Variants in SMARCA2 observed in about 807,000 individuals in gnomAD.
The protein encoded by SMARCA2 is SWI/SNF-related matrix-associated actin-dependent regulator of chromatin subfamily A member 2.
Under a neutral mutation model 199.8 loss-of-function variants are expected in SMARCA2, and 61 were observed. The ratio of observed to expected loss-of-function variants is 0.31; its 90% CI spans 0.25 to 0.38. The LOEUF is 0.38. SMARCA2 is among the 10% of genes least tolerant of loss of function. The pLI is 1.00. For synonymous variants in SMARCA2, 935 were observed against 732.0 expected, an observed-to-expected ratio of 1.28 and a Z score of -4.48; for missense variants, 1,344 against 2,012.2, an observed-to-expected ratio of 0.67 and a Z score of 6.35.
intron 27 of SMARCA2, among the ~76,000 whole-genome samples, chr9:2,156,382 T>C (rs369442307): frequency 6.6e-6 from 1 of 150,548 alleles, no homozygotes; most frequent in Middle Eastern, 3.4e-3. Context: ...TTTTTTCTTA[T>C]GGGAAAATAC....
intron 27 of SMARCA2, among the ~76,000 whole-genome samples, chr9:2,145,058 G>A (rs1358499671): frequency 2.6e-5 from 4 of 152,180 alleles, no homozygotes; most frequent in African/African-American, 4.8e-5. Context: ...CCAGCATTTT[G>A]GGAGGCCTAG....
intron 27 of SMARCA2, chr9:2,157,754 A>C: frequency 5.1e-6 from 2 of 392,868 alleles, no homozygotes; most frequent in East Asian, 3.6e-5. Flanking sequence ...CTGTTTACCT[A>C]TTCATAATCA....
intron 29 of SMARCA2, among the ~76,000 whole-genome samples, chr9:2,176,293 C>T (rs1366797445): frequency 2.7e-5 from 4 of 148,984 alleles, no homozygotes; most frequent in Non-Finnish European, 3.0e-5. Flanking sequence ...AACTGTTAAA[C>T]GTTTTGGCTG....
intron 33 of SMARCA2, chr9:2,192,499 T>G: frequency 1.7e-6 from 1 of 605,746 alleles, no homozygotes. Flanking sequence ...GGGCTTTGCT[T>G]TGGGGTTTTT....
chr9:2,102,618 C>T (rs907186122), intron 22 of SMARCA2, among the ~76,000 whole-genome samples: 2 of 152,128 alleles, frequency 1.3e-5, no homozygotes, highest in Non-Finnish European at 2.9e-5. Flanking sequence ...AATGGGTGAA[C>T]TGTAGAGGGA....
At chr9:2,120,098 A>G (rs1334915223) in intron 26 of SMARCA2, among the ~76,000 whole-genome samples, 5 of 152,246 alleles carry the variant, frequency 3.3e-5, no homozygotes, top group African/African-American at 1.2e-4. Context: ...GCTTAAATGA[A>G]TGGGAACCTT....
Position 2,079,673 on chromosome 9 carries a change from A to G in SMARCA2, c.2184+1897A>G, listed in dbSNP as rs536035179. On this transcript the variant is annotated intron_variant, in intron 14 of 33. Coordinates refer to ENST00000349721, the MANE Select transcript of SMARCA2 (RefSeq NM_003070.5). Reference sequence around the variant, plus strand: ...CCACTGCTCTGGCCTTAGTAAGATCATGTTTTCTCCAAAGACCATGTCATA... The same window carrying G: ...CCACTGCTCTGGCCTTAGTAAGATCGTGTTTTCTCCAAAGACCATGTCATA... Among the ~76,000 whole-genome samples the G allele has an allele frequency of 1.2e-4, 18 of 152,314 alleles. No individual in the cohort carries two copies. The South Asian group carries it at 2.9e-3, about 25-fold the overall frequency.
intron 21 of SMARCA2, 38 bp from the exon 22 acceptor site, chr9:2,101,532 T>C: frequency 1.7e-6 from 2 of 1,157,830 alleles, no homozygotes; most frequent in Non-Finnish European, 2.5e-6. Context: ...AATAATTACA[T>C]TTTTTAAAAT....
intron 3 of SMARCA2, among the ~76,000 whole-genome samples, chr9:2,038,532 C>G (rs1411905402): frequency 6.6e-6 from 1 of 152,150 alleles, no homozygotes; most frequent in Non-Finnish European, 1.5e-5. Context: ...CTGCTGATTG[C>G]AGGAGTATAA....
At chr9:2,175,877 T>G (rs191018378) in intron 29 of SMARCA2, among the ~76,000 whole-genome samples, 80 of 152,046 alleles carry the variant, frequency 5.3e-4, no homozygotes, top group African/African-American at 1.8e-3. Flanking sequence ...GGGTTTTTTT[T>G]GTTTGTTTGT....
At chr9:2,062,593 A>T (rs138974216) in intron 9 of SMARCA2, among the ~76,000 whole-genome samples, 30 of 152,248 alleles carry the variant, frequency 2.0e-4, no homozygotes, top group African/African-American at 4.8e-4. Context: ...TCATGGTGTT[A>T]TTCTGCATGA....
At chr9:2,025,299 G>A (rs1454112178) in intron 1 of SMARCA2, among the ~76,000 whole-genome samples, 2 of 152,034 alleles carry the variant, frequency 1.3e-5, no homozygotes. Flanking sequence ...GGGGAGGGTG[G>A]GGACCAGCAA....
intron 27 of SMARCA2, among the ~76,000 whole-genome samples, chr9:2,154,249 C>T (rs998712865): frequency 2.0e-5 from 3 of 152,110 alleles, no homozygotes; most frequent in African/African-American, 4.8e-5. Flanking sequence ...AACGTGTTAG[C>T]CAATGTTGCT....
intron 17 of SMARCA2, among the ~76,000 whole-genome samples, chr9:2,085,430 G>A (rs747639347): frequency 6.6e-6 from 1 of 152,184 alleles, no homozygotes; most frequent in African/African-American, 2.4e-5. Context: ...GACCTAATTA[G>A]TAGTAGACCC....
intron 1 of SMARCA2, among the ~76,000 whole-genome samples, chr9:2,024,516 C>T (rs558471371): frequency 6.6e-6 from 1 of 152,192 alleles, no homozygotes; most frequent in Non-Finnish European, 1.5e-5. Flanking sequence ...TCGACCTTTT[C>T]AGTTGATGAC....
intron 32 of SMARCA2, among the ~76,000 whole-genome samples, chr9:2,188,514 A>T (rs1563844778): frequency 6.6e-6 from 1 of 152,222 alleles, no homozygotes; most frequent in Non-Finnish European, 1.5e-5. Flanking sequence ...ATTTGAATAC[A>T]TCTGCATCAT....
At chr9:2,095,678 G>C (rs375276051) in intron 19 of SMARCA2, among the ~76,000 whole-genome samples, 20 of 152,110 alleles carry the variant, frequency 1.3e-4, no homozygotes, top group Admixed American at 3.3e-4. Flanking sequence ...AGATTCCTTC[G>C]AAAGCAACAA....
Position 2,186,191 on chromosome 9 carries a change from G to A in SMARCA2, c.4557G>A (p.Glu1519=). The part of the protein sequence containing the change: ...EEESEDESNE[E]EEEEDEEESE... ...AGAGTGAGGATGAAAGCAATGAAGA[G>A]GAGGAAGAGGAAGATGAAGAAGAGT... The change falls in exon 32 of 34, where the codon GAG becomes GAA. Residue 1519 remains glutamate, a synonymous_variant. Transcript: ENST00000349721. 3.1e-6 allele frequency: 5 copies of A among 1,614,070 alleles called. No individual in the cohort carries two copies. The highest frequency in any genetic ancestry group is 3.3e-5 in the Admixed American group (2 of 60,024).
At position 2,058,453 on chromosome 9, in the gene SMARCA2, C is replaced by A. The variant is rs576817778; in HGVS notation, c.1510C>A (p.Arg504=). ...AGAGCGGATTGAAAAGGAGAGAATG[C>A]GGCGACTGATGGTAAGGAACTCCCT... The part of the protein sequence containing the change: ...ETERIEKERM[R]RLMAEDEEGY... The change falls in exon 8 of 34, where the codon CGG becomes AGG. Residue 504 remains arginine (R), a synonymous_variant. Coordinates refer to ENST00000349721, the MANE Select transcript of SMARCA2 (RefSeq NM_003070.5). 2.6e-5 allele frequency: 42 copies of A among 1,613,714 alleles called. No individual in the cohort carries two copies. In the Admixed American group the frequency reaches 7.0e-4, roughly 27 times the overall value.
Sources: gnomAD v4.1 joint callset for allele counts (sites outside exome capture counted in the v4.1 genomes callset) on GRCh38, gnomAD v4.1.1 for gene constraint, MANE v1.5 for transcripts, NCBI Gene and HGNC (gene_info 2026-07-23, HGNC 2026-07-21) for gene names.